Variants in MAP2K1 observed in about 807,000 individuals in gnomAD.
MAP2K1 encodes mitogen-activated protein kinase kinase 1.
In MAP2K1, 16 loss-of-function variants were observed where a neutral mutation model predicts 46.3. The observed-to-expected ratio is 0.35, with a 90% CI of 0.23 to 0.52. MAP2K1 has a LOEUF of 0.52. Ranked by LOEUF, MAP2K1 falls within the 20% of genes least tolerant of loss-of-function variation. The pLI is 0.94. For synonymous variants in MAP2K1, 183 were observed against 185.6 expected (o/e 0.99, Z 0.11); for missense variants, 263 against 497.1 (o/e 0.53, Z 4.48).
intron 1 of MAP2K1, among the ~76,000 whole-genome samples, chr15:66,420,620 T>G (rs1165266192): frequency 2.7e-5 from 4 of 150,220 alleles, no homozygotes; most frequent in African/African-American, 9.8e-5. Flanking sequence ...AAATTTACCT[T>G]ATTTATTTTT....
At chr15:66,469,719 C>CACACAT (rs1555419274) in intron 5 of MAP2K1, among the ~76,000 whole-genome samples, 2 of 144,866 alleles carry the variant, frequency 1.4e-5, no homozygotes, top group African/African-American at 5.0e-5. Flanking sequence ...CACACACACA[C>CACACAT]ACACATATCG....
chr15:66,430,483 C>G (rs1442731812), intron 1 of MAP2K1, among the ~76,000 whole-genome samples: 2 of 152,184 alleles, frequency 1.3e-5, no homozygotes, highest in South Asian at 2.1e-4. Flanking sequence ...TTTGGAGATC[C>G]CATTTCTTTT....
chr15:66,395,543 C>G lies in MAP2K1; in HGVS notation c.80+8116C>G, dbSNP rs148523987. On this transcript the variant is annotated intron_variant, in intron 1 of 10. Transcript: ENST00000307102. ...TTGCTGACATGGTTTTTTTTTTTGT[C>G]TGAAATGCCCTCCTCCACTTTCTTG... Among the ~76,000 whole-genome samples, 12 of 147,576 alleles carry G rather than the reference C, an allele frequency of 8.1e-5. No homozygotes were observed. In the East Asian group the frequency reaches 1.8e-3, roughly 22 times the overall value.
At chr15:66,454,035 C>T (rs1892102691) in intron 5 of MAP2K1, among the ~76,000 whole-genome samples, 1 of 152,186 alleles carries the variant, frequency 6.6e-6, no homozygotes, top group Non-Finnish European at 1.5e-5. Flanking sequence ...TAATTTATTA[C>T]CTTACACAGT....
intron 7 of MAP2K1, among the ~76,000 whole-genome samples, chr15:66,486,647 G>C (rs887021269): frequency 6.6e-6 from 1 of 152,166 alleles, no homozygotes; most frequent in African/African-American, 2.4e-5. Flanking sequence ...TGGTACTCAG[G>C]GAATAGCCTG....
At chr15:66,484,463 T>G (rs1273822104) in intron 6 of MAP2K1, among the ~76,000 whole-genome samples, 2 of 152,184 alleles carry the variant, frequency 1.3e-5, no homozygotes, top group Non-Finnish European at 2.9e-5. Context: ...AGCAGCCCCA[T>G]TTTATAGATG....
rs530426285 is a variant in MAP2K1 at position 66,476,028 on chromosome 15, A to C, written c.569-5727A>C. Reference sequence around the variant, plus strand: ...CTTTGAATAGTGTTATTCCTGGGACAGAAAATATCGGAGAAGAACATACTT... The same window carrying C: ...CTTTGAATAGTGTTATTCCTGGGACCGAAAATATCGGAGAAGAACATACTT... On this transcript the variant is annotated intron_variant, in intron 5 of 10. Transcript: ENST00000307102. Among the ~76,000 whole-genome samples, 10 of 152,376 alleles carry C rather than the reference A, an allele frequency of 6.6e-5. 2 individuals carry two copies. The highest frequency in any genetic ancestry group is 2.4e-4 in the African/African-American group (10 of 41,586).
chr15:66,468,364 C>T (rs554232454), intron 5 of MAP2K1, among the ~76,000 whole-genome samples: 3 of 151,942 alleles, frequency 2.0e-5, no homozygotes, highest in Admixed American at 6.6e-5. Flanking sequence ...CCTAAATCTG[C>T]GTATTGAAGG....
chr15:66,428,281 T>C lies in MAP2K1; in HGVS notation c.81-6746T>C, dbSNP rs928684263. On this transcript the variant is annotated intron_variant, in intron 1 of 10. Coordinates refer to ENST00000307102, the MANE Select transcript of MAP2K1 (RefSeq NM_002755.4). ...CCAACAGCAGTTGTGCGTGTGTGTG[T>C]GTGTGTGTGTGTGTGTGTGTGTGTG... Among the ~76,000 whole-genome samples the C allele has an allele frequency of 1.7e-3, 87 of 51,716 alleles. 1 individual carries two copies. The highest frequency in any genetic ancestry group is 0.014 in the East Asian group (37 of 2,584). The allele number at this position is 51,716 out of a possible 152,430, so 33.9% of individuals were successfully genotyped here.
rs74825442 is a variant in MAP2K1, at chr15:66,445,801, G to A, written c.568+1094G>A. ...AGTGGCAGAAAGTAGATCAGTGGTT[G>A]CCTTGAGGGGTCTAGGGAGAGATTA... On this transcript the variant is annotated intron_variant, in intron 5 of 10. Transcript: ENST00000307102. Among the ~76,000 whole-genome samples, 500 of 151,928 alleles carry A rather than the reference G, an allele frequency of 3.3e-3. 3 individuals are homozygous for A. Among genetic ancestry groups the A allele is most frequent in the Middle Eastern group, 7.0e-3 (2 of 286 alleles).
intron 1 of MAP2K1, among the ~76,000 whole-genome samples, chr15:66,408,014 C>T (rs908102501): frequency 2.0e-5 from 3 of 152,236 alleles, no homozygotes; most frequent in Non-Finnish European, 2.9e-5. Context: ...AATTCTGACC[C>T]TGCCTTACTA....
chr15:66,420,801 A>ATGTGTATATATATATG (rs2093438001), intron 1 of MAP2K1, among the ~76,000 whole-genome samples: 9 of 58,564 alleles, frequency 1.5e-4, no homozygotes, highest in African/African-American at 4.4e-4. Flanking sequence ...GTGTATATAT[A>ATGTGTATATATATATG]TGTGTATATA....
At chr15:66,457,250 C>T (rs1444149162) in intron 5 of MAP2K1, among the ~76,000 whole-genome samples, 2 of 152,174 alleles carry the variant, frequency 1.3e-5, no homozygotes, top group South Asian at 2.1e-4. Context: ...TCCCAGGTAG[C>T]GGGGATCACA....
intron 1 of MAP2K1, among the ~76,000 whole-genome samples, chr15:66,400,221 A>G (rs954326837): frequency 6.0e-5 from 9 of 151,182 alleles, no homozygotes. Context: ...ACAGGTTCTC[A>G]CTCTGTTGCC....
chr15:66,400,546 A>G (rs2093378966), intron 1 of MAP2K1, among the ~76,000 whole-genome samples: 1 of 152,110 alleles, frequency 6.6e-6, no homozygotes, highest in Non-Finnish European at 1.5e-5. Flanking sequence ...ACTTCCAGAA[A>G]CTGCCAATTT....
chr15:66,460,666 G>A (rs754050617), intron 5 of MAP2K1, among the ~76,000 whole-genome samples: 3 of 152,170 alleles, frequency 2.0e-5, no homozygotes, highest in Non-Finnish European at 4.4e-5. Context: ...GAAGTGAGAT[G>A]TGCTGTGGTT....
At chr15:66,435,351 A>ATTTTT (rs71139499) in intron 2 of MAP2K1, 114 bp downstream of exon 2, 275 of 613,318 alleles carry the variant, frequency 4.5e-4, no homozygotes, top group Non-Finnish European at 5.9e-4. Flanking sequence ...TGCTGTTTGA[A>ATTTTT]TTTTTTTTTT....
intron 1 of MAP2K1, among the ~76,000 whole-genome samples, chr15:66,429,424 C>T (rs1301495541): frequency 6.6e-6 from 1 of 152,102 alleles, no homozygotes; most frequent in Admixed American, 6.5e-5. Flanking sequence ...ATGGGGATTA[C>T]AATTTAAGAT....
At position 66,490,858 on chromosome 15, in the gene MAP2K1, A is replaced by C; in HGVS notation, c.*243A>C. On this transcript the variant is annotated 3_prime_UTR_variant, in exon 11 of 11. Transcript: ENST00000307102. ...CTTGGGGCTATTTGTGTGTATGCTG[A>C]TGATCAAAACCTGTGCCAGGCTGAA... The C allele has an allele frequency of 1.7e-6, 1 of 572,940 alleles. No individual in the cohort carries two copies. Among genetic ancestry groups the C allele is most frequent in the Non-Finnish European group, 3.2e-6 (1 of 313,996 alleles). The allele number at this position is 572,940 out of a possible 1,614,324, so 35.5% of individuals were successfully genotyped here.
Sources: allele counts gnomAD v4.1 joint callset (sites outside exome capture counted in the v4.1 genomes callset), GRCh38; gene constraint gnomAD v4.1.1; transcripts MANE v1.5; gene names NCBI Gene and HGNC (gene_info 2026-07-23, HGNC 2026-07-21).